Variants in NTM observed in about 807,000 individuals in gnomAD.
The protein encoded by NTM is IgLON family member 2.
NTM carries 13 observed loss-of-function variants against 42.1 expected under a neutral mutation model. The observed-to-expected ratio is 0.31, with a 90% CI of 0.20 to 0.49. NTM has a LOEUF of 0.49. Ranked by LOEUF, NTM falls within the 20% of genes least tolerant of loss-of-function variation. NTM has a pLI of 0.99. For missense variants in NTM, 373 were observed against 452.8 expected (o/e 0.82, Z 1.60); for synonymous variants, 187 against 179.2 (o/e 1.04, Z -0.35).
chr11:132,110,350 G>T (rs528790540), intron 2 of NTM, among the ~76,000 whole-genome samples: 2 of 152,194 alleles, frequency 1.3e-5, no homozygotes, highest in African/African-American at 4.8e-5. Context: ...GAAATAATAT[G>T]GTCTTCAAAG....
chr11:132,044,197 T>C lies in NTM; in HGVS notation c.168-102085T>C, dbSNP rs549892139. Among the ~76,000 whole-genome samples the C allele has an allele frequency of 3.8e-4, 57 of 151,810 alleles. 2 individuals are homozygous for C. The highest frequency in any genetic ancestry group is 1.3e-3 in the African/African-American group (53 of 41,350). On this transcript the variant is annotated intron_variant, in intron 2 of 8. Transcript: ENST00000683400. ...GCATGTGTATGTGTGTGTGTTATCA[T>C]TTAAATGGGTCTTATGCACTACCTA...
At chr11:131,546,141 A>G (rs1290420573) in intron 1 of NTM, among the ~76,000 whole-genome samples, 1 of 152,220 alleles carries the variant, frequency 6.6e-6, no homozygotes, top group Non-Finnish European at 1.5e-5. Flanking sequence ...TTTAGCAAGC[A>G]GAGAGATAGG....
intron 2 of NTM, among the ~76,000 whole-genome samples, chr11:132,139,514 T>G (rs1484425389): frequency 6.6e-6 from 1 of 152,224 alleles, no homozygotes. Flanking sequence ...GAGAGGATAC[T>G]ACTGTATTTG....
intron 1 of NTM, among the ~76,000 whole-genome samples, chr11:131,391,179 T>C (rs1943944420): frequency 6.6e-6 from 1 of 152,214 alleles, no homozygotes; most frequent in African/African-American, 2.4e-5. Context: ...AGCATTTTAG[T>C]GCTGAGAATA....
chr11:131,839,242 G>A (rs746025307), intron 1 of NTM, among the ~76,000 whole-genome samples: 2 of 152,148 alleles, frequency 1.3e-5, no homozygotes, highest in Non-Finnish European at 2.9e-5. Context: ...AATTACAGGC[G>A]TGAGCCACCA....
intron 2 of NTM, among the ~76,000 whole-genome samples, chr11:132,113,120 T>C (rs1162830721): frequency 6.6e-6 from 1 of 152,192 alleles, no homozygotes; most frequent in African/African-American, 2.4e-5. Flanking sequence ...CGTACATGCA[T>C]ACATCATGCA....
intron 4 of NTM, among the ~76,000 whole-genome samples, chr11:132,220,782 T>C (rs1305249786): frequency 6.6e-6 from 1 of 152,034 alleles, no homozygotes; most frequent in Non-Finnish European, 1.5e-5. Flanking sequence ...ATGGAACAAA[T>C]AAAGGAAACA....
At chr11:131,425,314 A>G (rs1948018341) in intron 1 of NTM, among the ~76,000 whole-genome samples, 1 of 152,150 alleles carries the variant, frequency 6.6e-6, no homozygotes, top group Admixed American at 6.5e-5. Context: ...AGTTTCCCAA[A>G]AACGCCCTAT....
intron 1 of NTM, among the ~76,000 whole-genome samples, chr11:131,646,759 T>C (rs1272665549): frequency 6.6e-6 from 1 of 152,120 alleles, no homozygotes; most frequent in Middle Eastern, 3.2e-3. Flanking sequence ...ACATGAACTC[T>C]AAAGGGGGTT....
chr11:131,416,006 TTTG>T (rs1946907302), intron 1 of NTM, among the ~76,000 whole-genome samples: 1 of 152,220 alleles, frequency 6.6e-6, no homozygotes, highest in African/African-American at 2.4e-5. Context: ...TCCAGTTATA[TTTG>T]TTGTTTGGAT....
At chr11:131,480,293 C>T (rs560876360) in intron 1 of NTM, among the ~76,000 whole-genome samples, 1 of 152,108 alleles carries the variant, frequency 6.6e-6, no homozygotes, top group Non-Finnish European at 1.5e-5. Flanking sequence ...CAGCACAATG[C>T]CTTATGCCAC....
chr11:131,420,553 A>G (rs1043604918), intron 1 of NTM, among the ~76,000 whole-genome samples: 14 of 152,182 alleles, frequency 9.2e-5, no homozygotes, highest in Non-Finnish European at 1.9e-4. Context: ...TGCTGAGTAC[A>G]TTGTGGAGGC....
intron 2 of NTM, among the ~76,000 whole-genome samples, chr11:131,965,264 G>T (rs73586629): frequency 0.039 from 5,886 of 152,190 alleles, 391 homozygotes; most frequent in African/African-American, 0.13. Flanking sequence ...GCTCTGATCT[G>T]TAACCCTCCT....
At chr11:131,701,757 A>G (rs1318388308) in intron 1 of NTM, among the ~76,000 whole-genome samples, 1 of 152,116 alleles carries the variant, frequency 6.6e-6, no homozygotes, top group Non-Finnish European at 1.5e-5. Flanking sequence ...ATGAGGGCCT[A>G]GACAAATGCA....
At chr11:131,478,415 C>T (rs868831339) in intron 1 of NTM, among the ~76,000 whole-genome samples, 17 of 152,236 alleles carry the variant, frequency 1.1e-4, no homozygotes, top group East Asian at 5.8e-4. Flanking sequence ...GGGTACCATG[C>T]GCATATTTCT....
intron 1 of NTM, among the ~76,000 whole-genome samples, chr11:131,431,215 C>G (rs1306591479): frequency 6.6e-6 from 1 of 152,038 alleles, no homozygotes; most frequent in Non-Finnish European, 1.5e-5. Context: ...ATTCGGGTGT[C>G]TTGTGGGCAG....
chr11:132,208,518 G>T (rs550099450), intron 3 of NTM, among the ~76,000 whole-genome samples: 1 of 152,150 alleles, frequency 6.6e-6, no homozygotes, highest in African/African-American at 2.4e-5. Context: ...TTAGTGGGGG[G>T]AGACAATTCT....
At chr11:132,282,964 A>G (rs915403458) in intron 4 of NTM, among the ~76,000 whole-genome samples, 1 of 113,800 alleles carries the variant, frequency 8.8e-6, no homozygotes, top group Non-Finnish European at 1.9e-5. Context: ...GAAACGGGAA[A>G]TTCCTTTATT....
chr11:131,471,455 T>G (rs1032182001), intron 1 of NTM, among the ~76,000 whole-genome samples: 2 of 152,198 alleles, frequency 1.3e-5, no homozygotes, highest in Non-Finnish European at 2.9e-5. Context: ...ACATGAGTTA[T>G]TTTGTTGTAA....
Sources: allele counts gnomAD v4.1 joint callset (sites outside exome capture counted in the v4.1 genomes callset), GRCh38; gene constraint gnomAD v4.1.1; transcripts MANE v1.5; gene names NCBI Gene and HGNC (gene_info 2026-07-23, HGNC 2026-07-21).